The following NKD1 variants were observed in gnomAD, a reference collection of about 807,000 sequenced individuals.
NKD1 encodes NKD inhibitor of Wnt signaling pathway 1.
A neutral mutation model predicts 56.0 loss-of-function variants in NKD1; 21 were observed. The ratio of observed to expected loss-of-function variants is 0.38; its 90% CI spans 0.27 to 0.54. NKD1 has a LOEUF of 0.54. Ranked by LOEUF, NKD1 falls within the 20% of genes least tolerant of loss-of-function variation. The pLI is 0.82. For synonymous variants in NKD1, 263 were observed against 265.7 expected (o/e 0.99, Z 0.10); for missense variants, 578 against 642.7 (o/e 0.90, Z 1.09).
chr16:50,600,193 A>G (rs1289230767), intron 3 of NKD1, among the ~76,000 whole-genome samples: 2 of 152,148 alleles, frequency 1.3e-5, no homozygotes, highest in African/African-American at 4.8e-5. Context: ...TTATATTTTA[A>G]TGATTCTGAA....
intron 6 of NKD1, 100 bp downstream of exon 6, chr16:50,625,680 C>T (rs1567353003): frequency 2.5e-5 from 19 of 768,664 alleles, no homozygotes; most frequent in Non-Finnish European, 4.0e-5. Context: ...CTGCATCGGT[C>T]CTGCCCCTCA....
Position 50,648,596 on chromosome 16 carries a change from A to G in NKD1, c.*14815A>G, listed in dbSNP as rs749391355. ...CACCCTCTGCCCTTGGATTCTGTGC[A>G]CAGGAAGCTAGTTGCTCCCCTGAAT... On this transcript the variant is annotated 3_prime_UTR_variant, in exon 10 of 10. Transcript: ENST00000268459. 6 of 152,142 alleles carry G rather than the reference A, an allele frequency of 3.9e-5. No individual in the cohort carries two copies. The highest frequency in any genetic ancestry group is 7.4e-5 in the Non-Finnish European group (5 of 68,026). The allele number at this position is 152,142 out of a possible 1,614,324, so 9.4% of individuals were successfully genotyped here. A position where few individuals can be genotyped will look rare whatever the true frequency, so the allele number is the denominator to read the frequency against.
chr16:50,556,968 G>T (rs1960518206), intron 3 of NKD1: 1 of 152,064 alleles, frequency 6.6e-6, no homozygotes, highest in South Asian at 2.1e-4. Flanking sequence ...TCGTGTGCAG[G>T]TTATTTCATC....
intron 3 of NKD1, chr16:50,606,542 G>A: frequency 5.9e-6 from 2 of 340,478 alleles, no homozygotes; most frequent in South Asian, 2.3e-5. Context: ...TGCTGAAGCT[G>A]TCATTAGGTG....
At chr16:50,628,668 C>CT (rs1435181592) in intron 6 of NKD1, among the ~76,000 whole-genome samples, 8 of 152,192 alleles carry the variant, frequency 5.3e-5, no homozygotes. Flanking sequence ...CACCCCTGTT[C>CT]TGGTTGAGGG....
intron 3 of NKD1, among the ~76,000 whole-genome samples, chr16:50,552,901 G>A (rs1304291045): frequency 1.3e-5 from 2 of 152,214 alleles, no homozygotes; most frequent in African/African-American, 4.8e-5. Context: ...CCAAGGGCTG[G>A]GCTTTTGCCC....
chr16:50,642,903 A>T lies in NKD1; in HGVS notation c.*9122A>T, dbSNP rs1485790131. 1.3e-5 allele frequency: 2 copies of T among 152,018 alleles called. No homozygotes were observed. Among genetic ancestry groups the T allele is most frequent in the African/African-American group, 4.8e-5 (2 of 41,272 alleles). 9.4% of individuals were successfully genotyped at this position (152,018 alleles called of 1,614,324 possible). A position where few individuals can be genotyped will look rare whatever the true frequency, so the allele number is the denominator to read the frequency against. On this transcript the variant is annotated 3_prime_UTR_variant, in exon 10 of 10. Coordinates refer to ENST00000268459, the MANE Select transcript of NKD1 (RefSeq NM_033119.5). ...GATCACTCTGTTCCTTCCAGACCCG[A>T]CTTGTGGTGTGAACTTGGACAAGCC...
intron 2 of NKD1, 157 bp downstream of exon 2, chr16:50,548,906 G>GC (rs1439882030): frequency 5.3e-5 from 44 of 836,104 alleles, no homozygotes; most frequent in Admixed American, 6.9e-5. Context: ...CAGCCTTCGC[G>GC]CCCCCTCCTC....
chr16:50,579,448 G>T (rs1283699108), intron 3 of NKD1, among the ~76,000 whole-genome samples: 1 of 137,406 alleles, frequency 7.3e-6, no homozygotes, highest in Non-Finnish European at 1.6e-5. Flanking sequence ...ACTCTAACCC[G>T]CCACGCATGC....
chr16:50,554,025 C>T (rs568206710), intron 3 of NKD1: 2 of 152,444 alleles, frequency 1.3e-5, no homozygotes, highest in African/African-American at 4.8e-5. Context: ...CTTCTTAGCG[C>T]TTTAATGGGT....
Position 50,621,669 on chromosome 16 carries a change from C to T in NKD1, c.327C>T (p.Ser109=), listed in dbSNP as rs1223385121. ...SGDEKKMERV[S]EPCPGSKKQL... is the part of the protein sequence containing the mutation. ...ATGAGAAGAAGATGGAGAGAGTGAG[C>T]GAACCCTGCCCAGGCTCCAAGAAGC... is the stretch of plus-strand genomic sequence containing the variant. Residue 109 remains serine (S), a synonymous_variant, in exon 5 of 10, where the codon AGC becomes AGT. Transcript: ENST00000268459. 22 of 1,613,800 alleles carry T rather than the reference C, an allele frequency of 1.4e-5. No homozygotes were observed. Among genetic ancestry groups the T allele is most frequent in the Non-Finnish European group, 1.4e-5 (16 of 1,179,918 alleles).
rs889903994 is a variant in NKD1 at position 50,637,760 on chromosome 16, G to A, written c.*3979G>A. Reference sequence around the variant, plus strand: ...TGGTCTTGTTTGCAAATCTTCTGAAGGCCATTCCAGAGGAGCAGTTGCCAC... The same window carrying A: ...TGGTCTTGTTTGCAAATCTTCTGAAAGCCATTCCAGAGGAGCAGTTGCCAC... On this transcript the variant is annotated 3_prime_UTR_variant, in exon 10 of 10. Coordinates refer to ENST00000268459, the MANE Select transcript of NKD1 (RefSeq NM_033119.5). 1 of 152,144 alleles carries A rather than the reference G, an allele frequency of 6.6e-6. No individual in the cohort carries two copies. The highest frequency in any genetic ancestry group is 2.4e-5 in the African/African-American group (1 of 41,432). The allele number at this position is 152,144 out of a possible 1,614,324, so 9.4% of individuals were successfully genotyped here.
intron 6 of NKD1, among the ~76,000 whole-genome samples, chr16:50,626,946 C>T (rs529368037): frequency 5.3e-5 from 8 of 152,190 alleles, no homozygotes; most frequent in Non-Finnish European, 1.0e-4. Context: ...TGGGTCAGGA[C>T]GAGTGTTTTC....
rs1377429878 is a variant in NKD1, at chr16:50,630,877, G to A, written c.662G>A (p.Arg221Gln). 18 of 1,605,802 alleles carry A rather than the reference G, an allele frequency of 1.1e-5. No homozygotes were observed. Among genetic ancestry groups the A allele is most frequent in the Non-Finnish European group, 1.4e-5 (17 of 1,176,692 alleles). The change falls in exon 8 of 10, where the codon CGG becomes CAG. Residue 221 changes from arginine (R) to glutamine (Q), a missense_variant. By Grantham distance (43) the Arg-to-Gln change is conservative. Coordinates refer to ENST00000268459, the MANE Select transcript of NKD1 (RefSeq NM_033119.5). ...RAETKPTEDL[R>Q]SWEKKQRAPL... ...GAGACCAAGCCCACTGAGGACCTGC[G>A]GAGCTGGGAGAAGAAGCAGCGAGCC...
At chr16:50,607,221 A>G (rs909166980) in intron 3 of NKD1, 1 of 342,086 alleles carries the variant, frequency 2.9e-6, no homozygotes, top group Non-Finnish European at 5.8e-6. Context: ...AACAAAAAAC[A>G]AAAAAAAGCA....
At chr16:50,589,761 T>TC (rs1961318684) in intron 3 of NKD1, among the ~76,000 whole-genome samples, 1 of 47,828 alleles carries the variant, frequency 2.1e-5, no homozygotes, top group African/African-American at 7.8e-5. Context: ...TCTCTTCTCT[T>TC]CTCTCCTCTC....
At chr16:50,589,960 G>A (rs1326490517) in intron 3 of NKD1, among the ~76,000 whole-genome samples, 2 of 152,002 alleles carry the variant, frequency 1.3e-5, no homozygotes, top group Non-Finnish European at 2.9e-5. Context: ...CAATCCTCCT[G>A]CCTCAGCCTC....
Position 50,633,819 on chromosome 16 carries a change from C to G in NKD1, c.*38C>G. On this transcript the variant is annotated 3_prime_UTR_variant, in exon 10 of 10. Coordinates refer to ENST00000268459, the MANE Select transcript of NKD1 (RefSeq NM_033119.5). The surrounding 1 kb of genome is among the most constrained non-coding windows in gnomAD (Gnocchi z 4.9). ...GGGCCCCACCCTGCCATATGAAGGA[C>G]CCCACCCCCGACACCACAAGGCATT... 1 of 1,052,462 alleles carries G rather than the reference C, an allele frequency of 9.5e-7. No individual in the cohort carries two copies. The highest frequency in any genetic ancestry group is 1.8e-5 in the South Asian group (1 of 54,952). 65.2% of individuals were successfully genotyped at this position (1,052,462 alleles called of 1,614,324 possible).
chr16:50,574,938 C>T (rs1960960412), intron 3 of NKD1: 2 of 984,734 alleles, frequency 2.0e-6, no homozygotes, highest in East Asian at 1.1e-4. Flanking sequence ...TTCCTTTTCC[C>T]TTTAAACATC....
Sources: gnomAD v4.1 joint callset for allele counts (sites outside exome capture counted in the v4.1 genomes callset) on GRCh38, gnomAD v4.1.1 for gene constraint, Gnocchi (gnomAD v3.1) non-coding constraint, MANE v1.5 for transcripts, NCBI Gene and HGNC (gene_info 2026-07-23, HGNC 2026-07-21) for gene names.